The following TNFSF8 variants were observed in gnomAD, a reference collection of about 807,000 sequenced individuals.
The protein encoded by TNFSF8 is tumor necrosis factor ligand superfamily member 8.
TNFSF8 carries 4 observed loss-of-function variants against 22.0 expected under a neutral mutation model. That is an observed-to-expected ratio of 0.18 (90% confidence interval 0.09 to 0.42). The LOEUF is 0.42. TNFSF8 is among the 10% of genes least tolerant of loss of function. TNFSF8 has a pLI of 1.00. For synonymous variants in TNFSF8, 106 were observed against 112.5 expected (o/e 0.94, Z 0.37); for missense variants, 233 against 281.8 (o/e 0.83, Z 1.24).
chr9:114,903,810 A>G lies in TNFSF8; in HGVS notation c.*121T>C. ...TTCCAAGAGACAGAAGGAGAAGTAT[A>G]CTATTTAATACCCTGTGTAGTTTGT... On this transcript the variant is annotated 3_prime_UTR_variant, in exon 4 of 4. Transcript: ENST00000223795. 1 of 1,463,760 alleles carries G rather than the reference A, an allele frequency of 6.8e-7. No homozygotes were observed. The highest frequency in any genetic ancestry group is 2.4e-5 in the East Asian group (1 of 42,030). The allele number at this position is 1,463,760 out of a possible 1,614,324, so 90.7% of individuals were successfully genotyped here.
rs764853149 is a variant in TNFSF8, at chr9:114,904,218, A to T, written c.418T>A (p.Phe140Ile). 1.9e-6 allele frequency: 3 copies of T among 1,614,046 alleles called. No individual in the cohort carries two copies. The highest frequency in any genetic ancestry group is 1.7e-6 in the Non-Finnish European group (2 of 1,180,004). ...AGAAACTGCAGTTGGCAAATGATGAAGTACAAACCAGGGAATTGGATCACC... is the reference window on the plus strand; with the variant it reads ...AGAAACTGCAGTTGGCAAATGATGATGTACAAACCAGGGAATTGGATCACC... ...NLVIQFPGLYFIICQLQFLVQ... is the reference protein window; with the variant it reads ...NLVIQFPGLYIIICQLQFLVQ... Residue 140 changes from phenylalanine (F) to isoleucine (I), a missense_variant, in exon 4 of 4, where the codon TTC (phenylalanine) becomes ATC (isoleucine). Phe to Ile is a conservative substitution (Grantham distance 21). Transcript: ENST00000223795.
chr9:114,904,339 T>A lies in TNFSF8; in HGVS notation c.311-14A>T. On this transcript the variant is annotated splice_polypyrimidine_tract_variant and intron_variant, in intron 3 of 3. Transcript: ENST00000223795. ...GATGCTTTGCCACTAGAAAGAGAAG[T>A]ATAGAAAACAGAATTATTGAGAAGA... The A allele has an allele frequency of 6.3e-7, 1 of 1,577,990 alleles. No individual in the cohort carries two copies. Among genetic ancestry groups the A allele is most frequent in the Non-Finnish European group, 8.6e-7 (1 of 1,163,678 alleles).
intron 2 of TNFSF8, among the ~76,000 whole-genome samples, chr9:114,909,609 C>T (rs1021451946): frequency 1.3e-5 from 2 of 152,178 alleles, no homozygotes; most frequent in African/African-American, 2.4e-5. Flanking sequence ...AAAGGGCCTA[C>T]CTAGCTTATT....
intron 1 of TNFSF8, among the ~76,000 whole-genome samples, chr9:114,921,223 C>T (rs1441098663): frequency 6.6e-6 from 1 of 152,194 alleles, no homozygotes; most frequent in African/African-American, 2.4e-5. Context: ...CCCAGGAAGT[C>T]CATGACAGAA....
intron 2 of TNFSF8, among the ~76,000 whole-genome samples, chr9:114,914,945 T>C (rs1200224452): frequency 1.3e-5 from 2 of 152,232 alleles, no homozygotes; most frequent in African/African-American, 2.4e-5. Flanking sequence ...TTCTTTAGCA[T>C]GTGCACATAG....
At chr9:114,907,419 A>T (rs3789882) in intron 2 of TNFSF8, among the ~76,000 whole-genome samples, 31,778 of 152,070 alleles carry the variant, frequency 0.21, 7,132 homozygotes, top group African/African-American at 0.56. Context: ...ATGGCTGCTT[A>T]TGCTCCTAAT....
At chr9:114,912,812 G>T (rs1827868904) in intron 2 of TNFSF8, among the ~76,000 whole-genome samples, 1 of 152,200 alleles carries the variant, frequency 6.6e-6, no homozygotes, top group Non-Finnish European at 1.5e-5. Context: ...TTTCTTTGGG[G>T]TGGGTTCATT....
intron 1 of TNFSF8, among the ~76,000 whole-genome samples, chr9:114,928,033 G>A (rs1828085089): frequency 6.6e-6 from 1 of 151,962 alleles, no homozygotes; most frequent in Non-Finnish European, 1.5e-5. Context: ...AATGATATGT[G>A]CAATGCATTT....
intron 1 of TNFSF8, among the ~76,000 whole-genome samples, chr9:114,920,784 T>C (rs567364548): frequency 6.6e-6 from 1 of 152,230 alleles, no homozygotes; most frequent in South Asian, 2.1e-4. Context: ...TTCCTCTACC[T>C]CAGCCTCCCC....
rs1827733601 is a variant in TNFSF8, at chr9:114,902,860, A to G, written c.*1071T>C. On this transcript the variant is annotated 3_prime_UTR_variant, in exon 4 of 4. Transcript: ENST00000223795. ...AGGTATAGTGAATTCTTATAATTTT[A>G]TGTTGCCTTGGCAACCATTTTGTAT... 1.4e-6 allele frequency: 1 copy of G among 701,308 alleles called. No individual in the cohort carries two copies. The highest frequency in any genetic ancestry group is 1.8e-6 in the Non-Finnish European group (1 of 570,686). The allele number at this position is 701,308 out of a possible 1,614,324, so 43.4% of individuals were successfully genotyped here. A position where few individuals can be genotyped will look rare whatever the true frequency, so the allele number is the denominator to read the frequency against.
chr9:114,918,017 GT>G, intron 2 of TNFSF8, 78 bp downstream of exon 2: 1 of 1,420,994 alleles, frequency 7.0e-7, no homozygotes, highest in Non-Finnish European at 9.6e-7. Flanking sequence ...GTTGTTTCTG[GT>G]TGATAATCAG....
At chr9:114,910,619 C>A (rs1206389399) in intron 2 of TNFSF8, among the ~76,000 whole-genome samples, 1 of 152,192 alleles carries the variant, frequency 6.6e-6, no homozygotes, top group African/African-American at 2.4e-5. Context: ...GGAAAACAAG[C>A]ACTAATGAGC....
chr9:114,894,175 G>C (rs2131336839), intron 4 of TNFSF8: 1 of 1,531,886 alleles, frequency 6.5e-7, no homozygotes, highest in Non-Finnish European at 8.7e-7. Flanking sequence ...CTGGAAGAAA[G>C]AATAACTTTA....
chr9:114,926,614 A>G (rs144558917), intron 1 of TNFSF8, among the ~76,000 whole-genome samples: 1 of 152,356 alleles, frequency 6.6e-6, no homozygotes, highest in East Asian at 1.9e-4. Context: ...AATGAAATGA[A>G]CTTCTATGTA....
At position 114,902,914 on chromosome 9, in the gene TNFSF8, G is replaced by C. The variant is rs190985319; in HGVS notation, c.*1017C>G. 4 of 271,394 alleles carry C rather than the reference G, an allele frequency of 1.5e-5. No homozygotes were observed. The highest frequency in any genetic ancestry group is 9.2e-5 in the African/African-American group (4 of 43,574). 16.8% of individuals were successfully genotyped at this position (271,394 alleles called of 1,614,324 possible). ...AGTTTAATTTCTCATACCAGAAGCC[G>C]GGCTTAGTCACCCTTGATATGGGTT... On this transcript the variant is annotated 3_prime_UTR_variant, in exon 4 of 4. Transcript: ENST00000223795.
In TNFSF8 at chr9:114,923,478, T is replaced by TTCTCTTTCTTTC. The variant is rs376484064; in HGVS notation, c.196-5341_196-5340insGAAAGAAAGAGA. 6.7e-4 allele frequency among the ~76,000 whole-genome samples: 71 copies of TTCTCTTTCTTTC among 105,670 alleles called. 1 individual carries two copies. The highest frequency in any genetic ancestry group is 7.4e-4 in the Non-Finnish European group (40 of 53,948). The allele number at this position is 105,670 out of a possible 152,430, so 69.3% of individuals were successfully genotyped here. On this transcript the variant is annotated intron_variant, in intron 1 of 3. Coordinates refer to ENST00000223795, the MANE Select transcript of TNFSF8 (RefSeq NM_001244.4). ...CCATACATAGATTACTTTTCTTTCT[T>TTCTCTTTCTTTC]TTTCTTTCTTTCTTTCTTTCTTTCT...
chr9:114,918,989 G>A (rs992600789), intron 1 of TNFSF8, among the ~76,000 whole-genome samples: 2 of 150,890 alleles, frequency 1.3e-5, no homozygotes, highest in African/African-American at 4.9e-5. Flanking sequence ...GTCAACATGA[G>A]AATAATCAAG....
downstream of TNFSF8, among the ~76,000 whole-genome samples, chr9:114,897,921 C>T (rs1307632355): frequency 6.6e-6 from 1 of 152,024 alleles, no homozygotes; most frequent in African/African-American, 2.4e-5. Flanking sequence ...CCAACTCTAC[C>T]GTCCATTGAC....
chr9:114,903,627 G>C lies in TNFSF8; in HGVS notation c.*304C>G. The C allele has an allele frequency of 1.1e-6, 1 of 946,766 alleles. No individual in the cohort carries two copies. Among genetic ancestry groups the C allele is most frequent in the Non-Finnish European group, 1.3e-6 (1 of 774,288 alleles). 58.6% of individuals were successfully genotyped at this position (946,766 alleles called of 1,614,324 possible). On this transcript the variant is annotated 3_prime_UTR_variant, in exon 4 of 4. Transcript: ENST00000223795. ...GGAGGCTCTCAAAACAGAAGAAATA[G>C]ATCAAGACCATACAGTGAATTAGAG...
Sources: gnomAD v4.1 joint callset for allele counts (sites outside exome capture counted in the v4.1 genomes callset) on GRCh38, gnomAD v4.1.1 for gene constraint, MANE v1.5 for transcripts, NCBI Gene and HGNC (gene_info 2026-07-23, HGNC 2026-07-21) for gene names.